The following SGSM1 variants were observed in gnomAD, a reference collection of about 807,000 sequenced individuals.
SGSM1 encodes the protein RUN and TBC1 domain containing 2.
Under a neutral mutation model 133.8 loss-of-function variants are expected in SGSM1, and 73 were observed. That is an observed-to-expected ratio of 0.55 (90% CI 0.45 to 0.66). The LOEUF (loss-of-function observed/expected upper bound fraction) is 0.66. Among genes scored for constraint, SGSM1 ranks in the 30% least tolerant of loss-of-function variants. SGSM1 has a pLI of 0.00. For missense variants in SGSM1, 1,213 were observed against 1,448.1 expected, an observed-to-expected ratio of 0.84 and a Z score of 2.64; for synonymous variants, 563 against 573.0, an observed-to-expected ratio of 0.98 and a Z score of 0.25.
In SGSM1 at chr22:24,924,662, T is replaced by G. The variant is rs1016263373; in HGVS notation, c.*388T>G. 8.3e-6 allele frequency: 2 copies of G among 240,580 alleles called. No homozygotes were observed. Among genetic ancestry groups the G allele is most frequent in the African/African-American group, 4.5e-5 (2 of 44,724 alleles). The allele number at this position is 240,580 out of a possible 1,614,324, so 14.9% of individuals were successfully genotyped here. On this transcript the variant is annotated 3_prime_UTR_variant, in exon 25 of 25. Transcript: ENST00000400358. Reference sequence around the variant, plus strand: ...GGGGAGGAAACTTCTTTTTGGAAATTGGTGTAGAAGAGGTGTGTGGGGCTA... The same window carrying G: ...GGGGAGGAAACTTCTTTTTGGAAATGGGTGTAGAAGAGGTGTGTGGGGCTA...
In SGSM1 at chr22:24,850,364, G is replaced by A; in HGVS notation, c.387G>A (p.Leu129=). The change falls in exon 5 of 25, where the codon CTG becomes CTA. Residue 129 remains leucine, a synonymous_variant. Transcript: ENST00000400358. ...PNLSPLAIKH[L]WIRTALFEKV... is the part of the protein sequence containing the mutation. The stretch of plus-strand genomic sequence containing the variant: ...TGTCCCCACTTGCCATCAAGCATCT[G>A]TGGATTCGCACAGCCTTGTTTGAGA... 1.2e-6 allele frequency: 2 copies of A among 1,613,998 alleles called. No homozygotes were observed. The highest frequency in any genetic ancestry group is 1.1e-5 in the South Asian group (1 of 91,072).
intron 12 of SGSM1, among the ~76,000 whole-genome samples, chr22:24,872,069 C>T (rs1004121433): frequency 6.6e-6 from 1 of 152,106 alleles, no homozygotes; most frequent in Non-Finnish European, 1.5e-5. Context: ...GCCACAGCAG[C>T]GGAGGTGAAT....
chr22:24,841,487 T>G (rs1415551378), intron 2 of SGSM1, among the ~76,000 whole-genome samples: 1 of 152,252 alleles, frequency 6.6e-6, no homozygotes, highest in East Asian at 1.9e-4. Context: ...TGGTTTATAG[T>G]GTAGCTCAAG....
chr22:24,845,349 G>A (rs908233713), intron 3 of SGSM1, among the ~76,000 whole-genome samples: 2 of 152,144 alleles, frequency 1.3e-5, no homozygotes, highest in South Asian at 2.1e-4. Context: ...CTAAGAGCCC[G>A]TGACACATCC....
At chr22:24,887,269 T>TG (rs1932668552) in intron 16 of SGSM1, among the ~76,000 whole-genome samples, 1 of 152,134 alleles carries the variant, frequency 6.6e-6, no homozygotes, top group Non-Finnish European at 1.5e-5. Flanking sequence ...ACCCACACCC[T>TG]GGCCCTAATT....
chr22:24,836,145 T>C (rs1039848295), intron 2 of SGSM1, among the ~76,000 whole-genome samples: 3 of 152,172 alleles, frequency 2.0e-5, no homozygotes, highest in Admixed American at 6.5e-5. Flanking sequence ...ACCATTCTCC[T>C]TTCTTTCTCT....
chr22:24,866,054 G>A (rs1178633990), intron 9 of SGSM1, among the ~76,000 whole-genome samples: 1 of 152,194 alleles, frequency 6.6e-6, no homozygotes, highest in African/African-American at 2.4e-5. Context: ...GGAGATGTGA[G>A]TGGTGCATTT....
At chr22:24,908,239 A>G (rs1245684520) in intron 21 of SGSM1, among the ~76,000 whole-genome samples, 1 of 152,216 alleles carries the variant, frequency 6.6e-6, no homozygotes, top group Non-Finnish European at 1.5e-5. Flanking sequence ...CATAGACCTA[A>G]ATGTAAGAAC....
intron 2 of SGSM1, among the ~76,000 whole-genome samples, chr22:24,814,834 C>T (rs756865137): frequency 6.6e-6 from 1 of 152,182 alleles, no homozygotes; most frequent in Non-Finnish European, 1.5e-5. Context: ...TCTTGAGGTC[C>T]AAAGGGACAA....
At chr22:24,870,294 G>A (rs1931705336) in intron 12 of SGSM1, among the ~76,000 whole-genome samples, 2 of 152,188 alleles carry the variant, frequency 1.3e-5, no homozygotes, top group Admixed American at 1.3e-4. Flanking sequence ...AAATCCCCTG[G>A]GATGTTGAGC....
At chr22:24,854,275 G>A (rs994935961) in intron 5 of SGSM1, among the ~76,000 whole-genome samples, 1 of 152,148 alleles carries the variant, frequency 6.6e-6, no homozygotes, top group Non-Finnish European at 1.5e-5. Context: ...CTTTCAGTAC[G>A]CACTGCTGCT....
chr22:24,887,548 G>A (rs117234532), intron 16 of SGSM1, among the ~76,000 whole-genome samples: 2 of 152,084 alleles, frequency 1.3e-5, no homozygotes, highest in East Asian at 1.9e-4. Flanking sequence ...ATGAACATTC[G>A]TGTACAGTTT....
intron 16 of SGSM1, among the ~76,000 whole-genome samples, chr22:24,890,697 C>T (rs565164832): frequency 6.5e-4 from 99 of 152,202 alleles, no homozygotes; most frequent in African/African-American, 2.2e-3. Flanking sequence ...CCTGCCACCA[C>T]GTCCGGCTAA....
At chr22:24,907,405 A>G (rs188347549) in intron 21 of SGSM1, among the ~76,000 whole-genome samples, 69 of 152,278 alleles carry the variant, frequency 4.5e-4, no homozygotes, top group Non-Finnish European at 8.2e-4. Context: ...ACCCAAATAA[A>G]TGGAAAGATA....
At chr22:24,891,895 A>C (rs1057142190) in intron 16 of SGSM1, among the ~76,000 whole-genome samples, 7 of 151,946 alleles carry the variant, frequency 4.6e-5, no homozygotes, top group Non-Finnish European at 7.4e-5. Context: ...TGGAGGGGAG[A>C]CCAGCGTGGT....
chr22:24,866,153 A>G (rs1189393383), intron 9 of SGSM1, among the ~76,000 whole-genome samples: 2 of 152,176 alleles, frequency 1.3e-5, no homozygotes, highest in African/African-American at 4.8e-5. Context: ...GACAGCAGCA[A>G]GGTTTTGAGC....
intron 9 of SGSM1, among the ~76,000 whole-genome samples, chr22:24,862,659 G>C (rs1931219699): frequency 6.6e-6 from 1 of 152,200 alleles, no homozygotes; most frequent in African/African-American, 2.4e-5. Flanking sequence ...CTAGATGCAA[G>C]GGAGACAGAT....
chr22:24,817,688 T>C (rs1928184399), intron 2 of SGSM1, among the ~76,000 whole-genome samples: 1 of 142,484 alleles, frequency 7.0e-6, no homozygotes, highest in South Asian at 2.3e-4. Context: ...CTCTAAGCAA[T>C]CCACAACCCA....
rs1324268163 is a variant in SGSM1 at position 24,860,914 on chromosome 22, A to AT, written c.926+1074_926+1075insT. Among the ~76,000 whole-genome samples the AT allele has an allele frequency of 6.0e-3, 572 of 95,294 alleles. 2 individuals carry two copies. The highest frequency in any genetic ancestry group is 7.7e-3 in the Non-Finnish European group (402 of 52,024). 62.5% of individuals were successfully genotyped at this position (95,294 alleles called of 152,430 possible). A position where few individuals can be genotyped will look rare whatever the true frequency, so the allele number is the denominator to read the frequency against. On this transcript the variant is annotated intron_variant, in intron 9 of 24. Coordinates refer to ENST00000400358, the MANE Select transcript of SGSM1 (RefSeq NM_001098497.3). ...GACTGTCTTAAAAAAAAAAAAAAAAAAAAAAAAAATATATATATATATATA... is the reference window on the plus strand; with the variant it reads ...GACTGTCTTAAAAAAAAAAAAAAAAATAAAAAAAAATATATATATATATATA...
Sources: allele counts gnomAD v4.1 joint callset (sites outside exome capture counted in the v4.1 genomes callset), GRCh38; gene constraint gnomAD v4.1.1; transcripts MANE v1.5; gene names NCBI Gene and HGNC (gene_info 2026-07-23, HGNC 2026-07-21).